The following CAST variants were observed in gnomAD, a reference collection of about 807,000 sequenced individuals.
CAST encodes the protein MIR583 host.
In CAST, 76 loss-of-function variants were observed where a neutral mutation model predicts 119.6. The observed-to-expected ratio is 0.64, with a 90% confidence interval of 0.53 to 0.77. The LOEUF is 0.77. CAST is among the 30% of genes least tolerant of loss of function. CAST has a pLI of 0.00. For synonymous variants in CAST, 319 were observed against 331.6 expected (o/e 0.96, Z 0.41); for missense variants, 953 against 946.5 (o/e 1.01, Z -0.09).
chr5:95,991,766 A>G, the CAST span, among the ~76,000 whole-genome samples: 1 of 152,062 alleles, frequency 6.6e-6, no homozygotes, highest in Non-Finnish European at 1.5e-5. Context: ...TCAGCCTCCC[A>G]AAGTGCTGGG....
At chr5:96,436,422 T>A in the CAST span, among the ~76,000 whole-genome samples, 1 of 151,648 alleles carries the variant, frequency 6.6e-6, no homozygotes, top group East Asian at 1.9e-4. Flanking sequence ...TAACTTTAAA[T>A]TGAGAAATCT....
intron 22 of CAST, among the ~76,000 whole-genome samples, chr5:96,756,514 G>A (rs1766361849): frequency 6.6e-6 from 1 of 152,146 alleles, no homozygotes; most frequent in Non-Finnish European, 1.5e-5. Context: ...CGTATCTGTT[G>A]AGCAGCCCTA....
the CAST span, among the ~76,000 whole-genome samples, chr5:96,136,818 T>C: frequency 1.3e-5 from 2 of 152,188 alleles, no homozygotes; most frequent in Non-Finnish European, 2.9e-5. Flanking sequence ...ATATATGATA[T>C]CAGAATTGTT....
At chr5:96,631,295 A>T (rs1330152188) in intron 1 of CAST, among the ~76,000 whole-genome samples, 1 of 140,702 alleles carries the variant, frequency 7.1e-6, no homozygotes, top group Non-Finnish European at 1.6e-5. Context: ...GGCAACCACT[A>T]ATCTACTTTC....
chr5:96,577,766 T>A (rs1428191730), intron 1 of CAST, among the ~76,000 whole-genome samples: 1 of 152,178 alleles, frequency 6.6e-6, no homozygotes, highest in Non-Finnish European at 1.5e-5. Flanking sequence ...TTCAAATTTG[T>A]TGGTGTCTGT....
chr5:96,197,180 C>T, the CAST span, among the ~76,000 whole-genome samples: 1 of 152,160 alleles, frequency 6.6e-6, no homozygotes, highest in Admixed American at 6.5e-5. Context: ...TACTTTTTAT[C>T]AGGCTAAAGG....
chr5:96,704,517 T>C (rs376037178), intron 3 of CAST, among the ~76,000 whole-genome samples: 1 of 152,258 alleles, frequency 6.6e-6, no homozygotes, highest in African/African-American at 2.4e-5. Flanking sequence ...CAGTTAACTT[T>C]AAGTGATCAC....
Position 96,742,771 on chromosome 5 carries a change from G to A in CAST, c.1200+15G>A. The A allele has an allele frequency of 1.3e-6, 2 of 1,580,640 alleles. No homozygotes were observed. The highest frequency in any genetic ancestry group is 8.7e-7 in the Non-Finnish European group (1 of 1,149,976). The stretch of plus-strand genomic sequence containing the variant: ...AAGTCGATGAGGTACTGACCTTAGA[G>A]TTGATTTACAAAGCTTGTTAGTCTG... On this transcript the variant is annotated intron_variant, in intron 16 of 31. Coordinates refer to ENST00000675179, the MANE Select transcript of CAST (RefSeq NM_001750.7).
chr5:96,579,220 C>T (rs1447189683), intron 1 of CAST, among the ~76,000 whole-genome samples: 1 of 152,192 alleles, frequency 6.6e-6, no homozygotes, highest in Non-Finnish European at 1.5e-5. Flanking sequence ...CAGGTACCTA[C>T]TGTGGCATAA....
the CAST span, among the ~76,000 whole-genome samples, chr5:96,303,217 AACTC>A: frequency 6.6e-6 from 1 of 152,096 alleles, no homozygotes; most frequent in African/African-American, 2.4e-5. Context: ...ATATTATGAG[AACTC>A]ACTCACTATC....
intron 3 of CAST, among the ~76,000 whole-genome samples, chr5:96,717,055 GACTA>G (rs769812444): frequency 4.6e-5 from 7 of 152,254 alleles, no homozygotes; most frequent in Non-Finnish European, 1.0e-4. Context: ...GTTTAAATGA[GACTA>G]ACTGACAGCT....
chr5:96,344,100 G>A, the CAST span, among the ~76,000 whole-genome samples: 1 of 152,148 alleles, frequency 6.6e-6, no homozygotes, highest in African/African-American at 2.4e-5. Flanking sequence ...CCTTTGTCAG[G>A]CTGGCAGCTT....
the CAST span, among the ~76,000 whole-genome samples, chr5:95,979,549 G>A: frequency 6.6e-6 from 1 of 152,056 alleles, no homozygotes; most frequent in Non-Finnish European, 1.5e-5. Context: ...TTATTTATGG[G>A]GAAGAGTTGA....
chr5:96,259,199 T>C, the CAST span, among the ~76,000 whole-genome samples: 3 of 152,212 alleles, frequency 2.0e-5, no homozygotes, highest in African/African-American at 7.2e-5. Flanking sequence ...AAATACAGCA[T>C]ACATTTATGA....
chr5:96,774,650 A>AAAT lies in CAST; in HGVS notation c.*2036_*2038dup. Reference sequence around the variant, plus strand: ...TCCATGTTTCATTAATCAAGGCATAAAATACAATTAAAGCAAAATATTTTA... The same window carrying AAAT: ...TCCATGTTTCATTAATCAAGGCATAAAATAATACAATTAAAGCAAAATATTTTA... On this transcript the variant is annotated 3_prime_UTR_variant, in exon 32 of 32. Transcript: ENST00000675179. 1.0e-6 allele frequency: 1 copy of AAAT among 984,844 alleles called. No homozygotes were observed. Among genetic ancestry groups the AAAT allele is most frequent in the Non-Finnish European group, 1.2e-6 (1 of 829,260 alleles). The allele number at this position is 984,844 out of a possible 1,614,324, so 61.0% of individuals were successfully genotyped here.
At chr5:96,377,376 C>G in the CAST span, among the ~76,000 whole-genome samples, 2 of 152,126 alleles carry the variant, frequency 1.3e-5, no homozygotes, top group Admixed American at 1.3e-4. Flanking sequence ...CCCACAGCAA[C>G]TTACAGTCCT....
intron 1 of CAST, among the ~76,000 whole-genome samples, chr5:96,624,569 A>G (rs1747684864): frequency 6.6e-6 from 1 of 152,222 alleles, no homozygotes; most frequent in Non-Finnish European, 1.5e-5. Context: ...ATGCCCCACA[A>G]AAATAATATT....
chr5:96,435,697 G>T, the CAST span, among the ~76,000 whole-genome samples: 3 of 152,136 alleles, frequency 2.0e-5, no homozygotes, highest in African/African-American at 7.2e-5. Context: ...AAATTAAGAG[G>T]ACGTGTTTCC....
At chr5:95,986,255 C>T in the CAST span, 3 of 152,232 alleles carry the variant, frequency 2.0e-5, no homozygotes, top group Admixed American at 6.5e-5. Context: ...AGCTTCAGAA[C>T]ATACGCAGTC....
Sources: allele counts gnomAD v4.1 joint callset (sites outside exome capture counted in the v4.1 genomes callset), GRCh38; gene constraint gnomAD v4.1.1; transcripts MANE v1.5; gene names NCBI Gene and HGNC (gene_info 2026-07-23, HGNC 2026-07-21).